Variants in FRMPD4 observed in about 807,000 individuals in gnomAD.
FRMPD4 encodes FERM and PDZ domain-containing protein 4.
FRMPD4 carries 22 observed loss-of-function variants against 94.1 expected under a neutral mutation model. The ratio of observed to expected loss-of-function variants is 0.23; its 90% CI spans 0.17 to 0.33. The LOEUF (loss-of-function observed/expected upper bound fraction) is 0.33, where lower values mean the gene tolerates loss of function less well. Ranked by LOEUF, FRMPD4 falls within the 10% of genes least tolerant of loss-of-function variation. FRMPD4 has a pLI of 1.00. For missense variants in FRMPD4, 1,111 were observed against 1,339.9 expected (o/e 0.83, Z 2.67); for synonymous variants, 631 against 548.6 (o/e 1.15, Z -2.10).
chrX:11,882,722 T>C (rs2053820900), intron 3 of FRMPD4, among the ~76,000 whole-genome samples: 1 of 111,924 alleles, frequency 8.9e-6, no homozygotes, highest in Admixed American at 9.5e-5. Flanking sequence ...TTCCAAAATC[T>C]GAAAAAATCT....
chrX:12,385,946 T>A (rs2056392134), intron 1 of FRMPD4, among the ~76,000 whole-genome samples: 2 of 112,391 alleles, frequency 1.8e-5, no homozygotes, highest in Non-Finnish European at 3.8e-5. Flanking sequence ...TTTAAAATCA[T>A]TCCTTTGACA....
chrX:12,220,405 GGGC>G (rs2056852520), intron 1 of FRMPD4, among the ~76,000 whole-genome samples: 1 of 111,361 alleles, frequency 9.0e-6, no homozygotes, highest in African/African-American at 3.3e-5. Flanking sequence ...TTTTACAACT[GGGC>G]ATACTCTTGT....
intron 3 of FRMPD4, among the ~76,000 whole-genome samples, chrX:11,887,699 T>A (rs1323371581): frequency 8.9e-6 from 1 of 112,285 alleles, no homozygotes; most frequent in East Asian, 2.8e-4. Context: ...CCAGCCGATC[T>A]ATGTGCTGGT....
At chrX:12,614,381 C>CCA (rs780850079) in intron 3 of FRMPD4, among the ~76,000 whole-genome samples, 1,163 of 108,204 alleles carry the variant, frequency 0.011, 16 homozygotes, top group African/African-American at 0.035. Context: ...AGGGGCCTCA[C>CCA]CACACACACA....
intron 1 of FRMPD4, among the ~76,000 whole-genome samples, chrX:12,418,621 G>A (rs1418361073): frequency 9.1e-6 from 1 of 109,753 alleles, no homozygotes; most frequent in African/African-American, 3.3e-5. Context: ...GCCTCCCAAA[G>A]TACTGGGATT....
chrX:12,139,540 C>CT lies in FRMPD4; in HGVS notation c.41+539dup, dbSNP rs34758220. 1.4e-3 allele frequency among the ~76,000 whole-genome samples: 114 copies of CT among 83,237 alleles called. 1 individual carries two copies. In the South Asian group the frequency reaches 0.016, roughly 12 times the overall value. 72.3% of individuals were successfully genotyped at this position (83,237 alleles called of 115,157 possible). ...TAGATAGAAGAGAAAGACTTTCAGCCTTTTTTTTTTTGGGGGGGGGGTAAC... is the reference window on the plus strand; with the variant it reads ...TAGATAGAAGAGAAAGACTTTCAGCCTTTTTTTTTTTTGGGGGGGGGGTAAC... On this transcript the variant is annotated intron_variant, in intron 1 of 16. Coordinates refer to ENST00000675598, the MANE Select transcript of FRMPD4 (RefSeq NM_001368397.1).
chrX:12,243,819 TTTTTTG>T (rs2053914982), intron 1 of FRMPD4, among the ~76,000 whole-genome samples: 1 of 88,531 alleles, frequency 1.1e-5, no homozygotes, highest in African/African-American at 4.2e-5. Context: ...TTTTTTTTTT[TTTTTTG>T]AGGCAAAGCC....
In FRMPD4 at chrX:12,076,532, G is replaced by A. The variant is rs955851344; in HGVS notation, c.95+198514G>A. Among the ~76,000 whole-genome samples the A allele has an allele frequency of 7.2e-5, 8 of 110,628 alleles. 1 individual carries two copies. The highest frequency in any genetic ancestry group is 4.8e-4 in the Admixed American group (5 of 10,380). On this transcript the variant is annotated intron_variant, in intron 3 of 18. Transcript: ENST00000640291. ...GCAAGAGTGGATGGGAAAGAATACC[G>A]CCTGGCAGCTTAAGAGTCCTAGTTG...
chrX:11,911,328 A>G (rs973416964), intron 3 of FRMPD4, among the ~76,000 whole-genome samples: 7 of 112,214 alleles, frequency 6.2e-5, no homozygotes, highest in African/African-American at 1.9e-4. Context: ...TAACTGAGAG[A>G]GGTGAGAGGA....
At chrX:12,266,823 A>G (rs1359529754) in intron 1 of FRMPD4, among the ~76,000 whole-genome samples, 1 of 111,997 alleles carries the variant, frequency 8.9e-6, no homozygotes, top group African/African-American at 3.2e-5. Flanking sequence ...CCTATAGTGG[A>G]TTTGGGAGAC....
chrX:12,471,683 G>A (rs945943913), intron 1 of FRMPD4, among the ~76,000 whole-genome samples: 1 of 111,929 alleles, frequency 8.9e-6, no homozygotes, highest in African/African-American at 3.3e-5. Flanking sequence ...ACGACAATGA[G>A]TTTTAGATGC....
chrX:12,342,329 T>A (rs1390413714), intron 1 of FRMPD4, among the ~76,000 whole-genome samples: 1 of 112,064 alleles, frequency 8.9e-6, no homozygotes, highest in African/African-American at 3.2e-5. Flanking sequence ...TCTGTACACA[T>A]AGTGTACATA....
intron 1 of FRMPD4, among the ~76,000 whole-genome samples, chrX:11,852,734 A>G (rs886414561): frequency 3.6e-5 from 4 of 111,706 alleles, no homozygotes; most frequent in African/African-American, 1.3e-4. Flanking sequence ...AGCATCCAAC[A>G]CAGGGGCACC....
chrX:11,834,701 C>A (rs2147275054), intron 1 of FRMPD4, among the ~76,000 whole-genome samples: 1 of 111,176 alleles, frequency 9.0e-6, no homozygotes, highest in African/African-American at 3.3e-5. Context: ...AAAAGTGAAA[C>A]CTTCTTAATA....
At chrX:12,712,034 A>G (rs189382152) in intron 14 of FRMPD4, among the ~76,000 whole-genome samples, 23 of 111,476 alleles carry the variant, frequency 2.1e-4, no homozygotes, top group African/African-American at 6.5e-4. Flanking sequence ...CTGGACTTTC[A>G]AGTCAAATAA....
intron 3 of FRMPD4, among the ~76,000 whole-genome samples, chrX:11,998,326 G>A (rs935594397): frequency 2.7e-5 from 3 of 112,166 alleles, no homozygotes; most frequent in African/African-American, 9.7e-5. Context: ...TGGACTGAAT[G>A]AGACAGATAA....
At position 12,721,034 on chromosome X, in the gene FRMPD4, C is replaced by A; in HGVS notation, c.4465C>A (p.Arg1489=). The A allele has an allele frequency of 1.3e-6, 1 of 757,320 alleles. No individual in the cohort carries two copies. The highest frequency in any genetic ancestry group is 1.6e-6 in the Non-Finnish European group (1 of 640,031). 62.4% of individuals were successfully genotyped at this position (757,320 alleles called of 1,213,427 possible). A position where few individuals can be genotyped will look rare whatever the true frequency, so the allele number is the denominator to read the frequency against. The change falls in exon 17 of 17, where the codon CGG becomes AGG. Residue 1489 remains arginine, a synonymous_variant. Coordinates refer to ENST00000675598, the MANE Select transcript of FRMPD4 (RefSeq NM_001368397.1). ...DSKLYRTLPL[R]KLEGSNWRCR... ...AAAGCTGTATAGGACATTACCCTTGCGGAAGCTGGAGGGCAGCAATTGGAG... is the reference window on the plus strand; with the variant it reads ...AAAGCTGTATAGGACATTACCCTTGAGGAAGCTGGAGGGCAGCAATTGGAG...
chrX:12,433,836 GA>G (rs1037634590), intron 1 of FRMPD4, among the ~76,000 whole-genome samples: 1 of 111,723 alleles, frequency 9.0e-6, no homozygotes, highest in African/African-American at 3.3e-5. Flanking sequence ...TAGTTAGCCT[GA>G]AAAAAAATCA....
At chrX:12,199,344 A>C (rs2056604221) in intron 1 of FRMPD4, among the ~76,000 whole-genome samples, 1 of 108,233 alleles carries the variant, frequency 9.2e-6, no homozygotes, top group Admixed American at 1.0e-4. Context: ...GTGAGCATTG[A>C]GCCTCTGCTC....
Sources: allele counts gnomAD v4.1 joint callset (sites outside exome capture counted in the v4.1 genomes callset), GRCh38; gene constraint gnomAD v4.1.1; transcripts MANE v1.5; gene names NCBI Gene and HGNC (gene_info 2026-07-23, HGNC 2026-07-21).